Variants in IGSF21 observed in about 807,000 individuals in gnomAD.
The protein encoded by IGSF21 is immunoglobulin superfamily member 21.
Under a neutral mutation model 46.8 loss-of-function variants are expected in IGSF21, and 28 were observed. The ratio of observed to expected loss-of-function variants is 0.60; its 90% CI spans 0.44 to 0.82. The LOEUF is 0.82. Ranked by LOEUF, IGSF21 falls within the 40% of genes least tolerant of loss-of-function variation. The pLI is 0.00. For synonymous variants in IGSF21, 284 were observed against 273.6 expected (o/e 1.04, Z -0.38); for missense variants, 624 against 665.5 (o/e 0.94, Z 0.69).
intron 3 of IGSF21, among the ~76,000 whole-genome samples, chr1:18,303,997 T>C (rs1018894634): frequency 1.8e-4 from 28 of 152,040 alleles, no homozygotes; most frequent in African/African-American, 6.8e-4. Flanking sequence ...CACTGCCAAA[T>C]GATGAAGCAG....
intron 2 of IGSF21, among the ~76,000 whole-genome samples, chr1:18,255,777 G>T (rs571231685): frequency 6.6e-6 from 1 of 151,918 alleles, no homozygotes; most frequent in Non-Finnish European, 1.5e-5. Flanking sequence ...TCTCTTCAAT[G>T]TGCCTGCTCC....
At chr1:18,228,146 G>T in intron 2 of IGSF21, 136 bp downstream of exon 2, 2 of 660,666 alleles carry the variant, frequency 3.0e-6, no homozygotes, top group East Asian at 2.8e-5. Flanking sequence ...GGCATCTGCT[G>T]GGTCCCCGCC....
intron 1 of IGSF21, among the ~76,000 whole-genome samples, chr1:18,149,616 C>T (rs1205011887): frequency 6.6e-6 from 1 of 151,164 alleles, no homozygotes; most frequent in African/African-American, 2.4e-5. Context: ...GGTGGCAGGC[C>T]AGCCTGACAG....
At chr1:18,136,942 G>T (rs560678155) in intron 1 of IGSF21, among the ~76,000 whole-genome samples, 1 of 152,160 alleles carries the variant, frequency 6.6e-6, no homozygotes, top group Non-Finnish European at 1.5e-5. Context: ...CTGAGCAGTG[G>T]TTTGTAGTTC....
At chr1:18,312,250 G>A (rs772462014) in intron 3 of IGSF21, among the ~76,000 whole-genome samples, 17 of 152,162 alleles carry the variant, frequency 1.1e-4, no homozygotes, top group South Asian at 2.1e-4. Context: ...AAATGAATCC[G>A]CAAAATGAAA....
At chr1:18,186,756 A>C (rs1006231493) in intron 1 of IGSF21, among the ~76,000 whole-genome samples, 1 of 152,170 alleles carries the variant, frequency 6.6e-6, no homozygotes, top group Non-Finnish European at 1.5e-5. Context: ...GTCCAACTTC[A>C]GTGGCTTTGC....
At chr1:18,204,839 T>A (rs1271598295) in intron 1 of IGSF21, among the ~76,000 whole-genome samples, 1 of 152,250 alleles carries the variant, frequency 6.6e-6, no homozygotes, top group Admixed American at 6.5e-5. Context: ...GGCTACATCC[T>A]GTCTTCCTGT....
chr1:18,209,203 C>A (rs2084364567), intron 1 of IGSF21, among the ~76,000 whole-genome samples: 1 of 152,200 alleles, frequency 6.6e-6, no homozygotes, highest in South Asian at 2.1e-4. Flanking sequence ...GCATCAACCA[C>A]ATTTTGAGTG....
At chr1:18,240,723 G>A (rs1422286891) in intron 2 of IGSF21, among the ~76,000 whole-genome samples, 1 of 152,198 alleles carries the variant, frequency 6.6e-6, no homozygotes, top group Non-Finnish European at 1.5e-5. Context: ...TTCAACCATG[G>A]ATGGGCTGTC....
chr1:18,245,734 C>G (rs896366528), intron 2 of IGSF21, among the ~76,000 whole-genome samples: 7 of 152,142 alleles, frequency 4.6e-5, no homozygotes, highest in Admixed American at 2.6e-4. Flanking sequence ...GATCTGTTTC[C>G]TCTGCTGCTG....
At chr1:18,221,146 C>T (rs535690332) in intron 1 of IGSF21, among the ~76,000 whole-genome samples, 3 of 152,250 alleles carry the variant, frequency 2.0e-5, no homozygotes, top group African/African-American at 7.2e-5. Flanking sequence ...TTCAGCTTTA[C>T]ACCGAGTCAA....
rs139604928 is a variant in IGSF21 at position 18,325,241 on chromosome 1, T to A, written c.306-9651T>A. Among the ~76,000 whole-genome samples the A allele has an allele frequency of 4.5e-3, 678 of 152,326 alleles. 5 individuals carry two copies. The highest frequency in any genetic ancestry group is 7.0e-3 in the Non-Finnish European group (476 of 68,022). On this transcript the variant is annotated intron_variant, in intron 3 of 9. Transcript: ENST00000251296. ...AGCCCCTGGTGTTTGAAAGAACCCC[T>A]GTCCTCAAGGAATGTCCATTCAACG...
At chr1:18,281,120 C>CGGAT (rs1557622744) in intron 2 of IGSF21, among the ~76,000 whole-genome samples, 1 of 110,736 alleles carries the variant, frequency 9.0e-6, no homozygotes, top group Non-Finnish European at 2.2e-5. Flanking sequence ...AAGAAATGAA[C>CGGAT]GAATGAATGA....
intron 2 of IGSF21, among the ~76,000 whole-genome samples, chr1:18,289,666 G>T (rs2085247925): frequency 6.6e-6 from 1 of 152,126 alleles, no homozygotes; most frequent in South Asian, 2.1e-4. Flanking sequence ...ATTCTTGGGA[G>T]GGGGGCAAGG....
rs1336347759 is a variant in IGSF21, at chr1:18,322,514, A to T, written c.306-12378A>T. On this transcript the variant is annotated intron_variant, in intron 3 of 9. Coordinates refer to ENST00000251296, the MANE Select transcript of IGSF21 (RefSeq NM_032880.5). The surrounding 1 kb of genome is among the most constrained non-coding windows in gnomAD (Gnocchi z 4.3). ...TAGGAAGGAGGCGGCGAGCTCAGCC[A>T]CGGGCCCAGCCTTCCAAGTTTGCTC... Among the ~76,000 whole-genome samples, 1 of 152,176 alleles carries T rather than the reference A, an allele frequency of 6.6e-6. No individual in the cohort carries two copies. The highest frequency in any genetic ancestry group is 1.5e-5 in the Non-Finnish European group (1 of 68,038).
intron 1 of IGSF21, among the ~76,000 whole-genome samples, chr1:18,138,733 A>G (rs2086388618): frequency 6.6e-6 from 1 of 152,140 alleles, no homozygotes; most frequent in East Asian, 1.9e-4. Context: ...TCTTTTAGGT[A>G]AAGAAGTGCA....
At chr1:18,131,410 G>T (rs904178715) in intron 1 of IGSF21, among the ~76,000 whole-genome samples, 33 of 152,228 alleles carry the variant, frequency 2.2e-4, no homozygotes, top group Admixed American at 1.9e-3. Flanking sequence ...TCAAATCCTG[G>T]CCCACCGCCT....
Position 18,357,334 on chromosome 1 carries a change from G to A in IGSF21, c.425-4781G>A, listed in dbSNP as rs572642985. ...GGAAATGGGGATAAAGATAAGGAAG[G>A]AGATGAAGATGGAGATGGGGATGGG... On this transcript the variant is annotated intron_variant, in intron 4 of 9. Transcript: ENST00000251296. Among the ~76,000 whole-genome samples, 139 of 150,492 alleles carry A rather than the reference G, an allele frequency of 9.2e-4. 2 individuals carry two copies. The highest frequency in any genetic ancestry group is 3.2e-3 in the African/African-American group (129 of 40,774).
At position 18,163,202 on chromosome 1, in the gene IGSF21, T is replaced by G. The variant is rs77710950; in HGVS notation, c.70+55004T>G. Among the ~76,000 whole-genome samples, 141 of 151,610 alleles carry G rather than the reference T, an allele frequency of 9.3e-4. 1 individual carries two copies. The highest frequency in any genetic ancestry group is 3.2e-3 in the African/African-American group (132 of 41,290). ...CGTTTCCTAAACTATAAAGGGAGAA[T>G]CATGATATTTACCTTCTGGAATTGT... On this transcript the variant is annotated intron_variant, in intron 1 of 9. Transcript: ENST00000251296.
Sources: gnomAD v4.1 joint callset for allele counts (sites outside exome capture counted in the v4.1 genomes callset) on GRCh38, gnomAD v4.1.1 for gene constraint, Gnocchi (gnomAD v3.1) non-coding constraint, MANE v1.5 for transcripts, NCBI Gene and HGNC (gene_info 2026-07-23, HGNC 2026-07-21) for gene names.